Variants in VMP1 observed in about 807,000 individuals in gnomAD.
The protein encoded by VMP1 is vacuole membrane protein 1, also known as ectopic P-granules autophagy protein 3 homolog.
Under a neutral mutation model 56.0 loss-of-function variants are expected in VMP1, and 11 were observed. The observed-to-expected ratio is 0.20, with a 90% CI of 0.12 to 0.32. The LOEUF is 0.32. Among genes scored for constraint, VMP1 ranks in the 10% least tolerant of loss-of-function variants. The probability of loss-of-function intolerance (pLI) is 1.00; values close to 1 mark genes in which losing one functional copy is unlikely to be tolerated. For missense variants in VMP1, 296 were observed against 490.3 expected (o/e 0.60, Z 3.74); for synonymous variants, 149 against 165.0 (o/e 0.90, Z 0.74).
chr17:59,777,827 A>AC (rs1457218761), intron 7 of VMP1, among the ~76,000 whole-genome samples: 1 of 151,002 alleles, frequency 6.6e-6, no homozygotes, highest in Admixed American at 6.6e-5. Context: ...ACAAAACAAA[A>AC]CAAAACAAAA....
intron 5 of VMP1, 152 bp downstream of exon 5, chr17:59,739,099 T>G (rs1222552957): frequency 6.9e-6 from 4 of 579,430 alleles, no homozygotes; most frequent in Non-Finnish European, 1.1e-5. Flanking sequence ...TAAGTTTGAC[T>G]TAGAGTTCTG....
chr17:59,809,003 C>CT (rs532671984), intron 8 of VMP1, 127 bp downstream of exon 8: 37,093 of 580,436 alleles, frequency 0.064, 1 homozygote, highest in East Asian at 0.084. Flanking sequence ...AATCATTCAC[C>CT]TTTTTTTTTT....
In VMP1 at chr17:59,721,715, CAAACAAAACAAAACA is replaced by C. The variant is rs57750049; in HGVS notation, c.-26-9684_-26-9670del. 2.7e-4 allele frequency among the ~76,000 whole-genome samples: 40 copies of C among 150,200 alleles called. 1 individual carries two copies. Among genetic ancestry groups the C allele is most frequent in the African/African-American group, 9.4e-4 (38 of 40,536 alleles). On this transcript the variant is annotated intron_variant, in intron 1 of 11. Coordinates refer to ENST00000262291, the MANE Select transcript of VMP1 (RefSeq NM_030938.5). ...GTAACATAGTGAGACTCTGTCTCTA[CAAACAAAACAAAACA>C]AAACAAAACAAAACAAAACAATTCT...
chr17:59,735,992 G>C (rs990763380), intron 3 of VMP1, among the ~76,000 whole-genome samples: 24 of 152,148 alleles, frequency 1.6e-4, no homozygotes, highest in African/African-American at 5.1e-4. Context: ...GCCCTTCCAA[G>C]TTATTCTCTG....
At chr17:59,811,003 A>C (rs1235241366) in intron 8 of VMP1, among the ~76,000 whole-genome samples, 2 of 152,224 alleles carry the variant, frequency 1.3e-5, no homozygotes, top group East Asian at 3.8e-4. Context: ...GGGACTGAGT[A>C]TTCAAAACAT....
At chr17:59,717,868 C>T (rs990817385) in intron 1 of VMP1, among the ~76,000 whole-genome samples, 6 of 151,718 alleles carry the variant, frequency 4.0e-5, no homozygotes, top group Admixed American at 3.9e-4. Flanking sequence ...TGCAGTAAGC[C>T]GAGATGACAC....
intron 1 of VMP1, among the ~76,000 whole-genome samples, chr17:59,714,423 T>C (rs1305393115): frequency 6.6e-6 from 1 of 152,134 alleles, no homozygotes; most frequent in African/African-American, 2.4e-5. Flanking sequence ...TGTCTCACTC[T>C]ACTGCCACAT....
intron 1 of VMP1, among the ~76,000 whole-genome samples, chr17:59,728,783 T>C (rs2034705356): frequency 6.6e-6 from 1 of 152,214 alleles, no homozygotes; most frequent in Non-Finnish European, 1.5e-5. Context: ...GGATAGTTCC[T>C]GCTGGTGACT....
At chr17:59,820,813 T>G in intron 10 of VMP1, among the ~76,000 whole-genome samples, 1 of 152,224 alleles carries the variant, frequency 6.6e-6, no homozygotes, top group East Asian at 1.9e-4. Flanking sequence ...ACATGACCAG[T>G]ACAAATTAGA....
chr17:59,828,824 T>A (rs2038721589), intron 10 of VMP1, among the ~76,000 whole-genome samples: 1 of 152,170 alleles, frequency 6.6e-6, no homozygotes, highest in African/African-American at 2.4e-5. Flanking sequence ...CTTCAAAGAT[T>A]CATATACTGA....
intron 7 of VMP1, chr17:59,785,109 A>G (rs749083407): frequency 5.3e-5 from 8 of 152,226 alleles, no homozygotes; most frequent in Non-Finnish European, 1.0e-4. Context: ...TACTGAAATA[A>G]TGGAGGAGTC....
intron 10 of VMP1, among the ~76,000 whole-genome samples, chr17:59,822,120 G>C (rs1050673017): frequency 2.0e-5 from 3 of 152,102 alleles, no homozygotes; most frequent in African/African-American, 7.2e-5. Flanking sequence ...GCGATTACAA[G>C]AGTGAGCCAC....
intron 7 of VMP1, among the ~76,000 whole-genome samples, chr17:59,808,090 A>C (rs1374123427): frequency 6.6e-6 from 1 of 152,202 alleles, no homozygotes; most frequent in Non-Finnish European, 1.5e-5. Flanking sequence ...ATGTTTCAGC[A>C]TGGGAGGAGG....
chr17:59,833,178 G>A (rs539917825), intron 10 of VMP1, among the ~76,000 whole-genome samples: 1 of 152,022 alleles, frequency 6.6e-6, no homozygotes. Flanking sequence ...TGCTGCTTGA[G>A]AATAACTTGA....
chr17:59,723,932 G>A (rs1296167161), intron 1 of VMP1, among the ~76,000 whole-genome samples: 1 of 152,148 alleles, frequency 6.6e-6, no homozygotes, highest in Non-Finnish European at 1.5e-5. Flanking sequence ...AAATGTAACA[G>A]GGCTGGATAT....
At chr17:59,790,714 C>G (rs2037194364) in intron 7 of VMP1, among the ~76,000 whole-genome samples, 1 of 152,130 alleles carries the variant, frequency 6.6e-6, no homozygotes, top group African/African-American at 2.4e-5. Context: ...TCACTTGAAC[C>G]CAGGGGGCAG....
intron 5 of VMP1, among the ~76,000 whole-genome samples, chr17:59,759,072 T>C (rs2035948877): frequency 6.6e-6 from 1 of 152,110 alleles, no homozygotes; most frequent in Admixed American, 6.5e-5. Flanking sequence ...GGTGATGGAA[T>C]GAGAGACCCT....
rs143302209 is a variant in VMP1, at chr17:59,812,757, C to G, written c.912+971C>G. On this transcript the variant is annotated intron_variant, in intron 9 of 11. Coordinates refer to ENST00000262291, the MANE Select transcript of VMP1 (RefSeq NM_030938.5). ...ACCATCCTGGCCAACATGGTGAAAC[C>G]CTGTCTCTACTGAAAACGCAAAAAT... is the stretch of plus-strand genomic sequence containing the variant. Among the ~76,000 whole-genome samples the G allele has an allele frequency of 2.8e-3, 433 of 152,074 alleles. 3 individuals carry two copies. The highest frequency in any genetic ancestry group is 9.4e-3 in the African/African-American group (391 of 41,492).
At chr17:59,822,614 C>T (rs1249006193) in intron 10 of VMP1, among the ~76,000 whole-genome samples, 2 of 152,018 alleles carry the variant, frequency 1.3e-5, no homozygotes, top group African/African-American at 4.8e-5. Flanking sequence ...TGTGAGCCAC[C>T]ATGCCCAGCC....
Sources: allele counts gnomAD v4.1 joint callset (sites outside exome capture counted in the v4.1 genomes callset), GRCh38; gene constraint gnomAD v4.1.1; transcripts MANE v1.5; gene names NCBI Gene and HGNC (gene_info 2026-07-23, HGNC 2026-07-21).